The following SLC39A9 variants were observed in gnomAD, a reference collection of about 807,000 sequenced individuals.
SLC39A9 encodes the protein zinc transporter ZIP9.
Under a neutral mutation model 28.4 loss-of-function variants are expected in SLC39A9, and 14 were observed. The ratio of observed to expected loss-of-function variants is 0.49; its 90% CI spans 0.33 to 0.77. The LOEUF (loss-of-function observed/expected upper bound fraction) is 0.77, where lower values mean the gene tolerates loss of function less well. SLC39A9 is among the 30% of genes least tolerant of loss of function. The pLI, the probability that SLC39A9 is intolerant of heterozygous loss-of-function variation, is 0.02. For missense variants in SLC39A9, 283 were observed against 381.1 expected, an observed-to-expected ratio of 0.74 and a Z score of 2.14; for synonymous variants, 119 against 149.6, an observed-to-expected ratio of 0.80 and a Z score of 1.49.
rs556465268 is a variant in SLC39A9, at chr14:69,425,945, G to C, written c.205+1743G>C. Among the ~76,000 whole-genome samples the C allele has an allele frequency of 2.0e-5, 3 of 152,264 alleles. No homozygotes were observed. In the South Asian group the frequency reaches 6.2e-4, roughly 32 times the overall value. On this transcript the variant is annotated intron_variant, in intron 2 of 6. Coordinates refer to ENST00000336643, the MANE Select transcript of SLC39A9 (RefSeq NM_018375.5). ...CTCCCAAAGTGCTGGGATTACAGGT[G>C]TGAGACACCTCACCCAGCCCAGGTG...
intron 2 of SLC39A9, among the ~76,000 whole-genome samples, chr14:69,425,475 G>A (rs1467853788): frequency 6.6e-6 from 1 of 152,112 alleles, no homozygotes; most frequent in Non-Finnish European, 1.5e-5. Flanking sequence ...ATGATTTCCT[G>A]ACCTCCAGGA....
Position 69,455,732 on chromosome 14 carries a change from G to A in SLC39A9, c.559G>A (p.Ala187Thr), listed in dbSNP as rs1364473743. Residue 187 changes from alanine (A) to threonine (T), a missense_variant and splice_region_variant, in exon 6 of 7, where the codon GCA becomes ACA. Coordinates refer to ENST00000336643, the MANE Select transcript of SLC39A9 (RefSeq NM_018375.5). ...IVFVAIMLHK[A>T]PAAFGLVSFL... is the part of the protein sequence containing the mutation. ...ATAAGAGATGATTTTTTATTTCCAG[G>A]CACCAGCTGCTTTTGGACTGGTTTC... 1 of 1,613,648 alleles carries A rather than the reference G, an allele frequency of 6.2e-7. No homozygotes were observed. The highest frequency in any genetic ancestry group is 1.3e-5 in the African/African-American group (1 of 74,866).
At chr14:69,431,533 A>G (rs943971141) in intron 2 of SLC39A9, among the ~76,000 whole-genome samples, 1 of 150,828 alleles carries the variant, frequency 6.6e-6, no homozygotes, top group Non-Finnish European at 1.5e-5. Context: ...GGTTAGATAT[A>G]GGTTTTTTAT....
At chr14:69,446,262 A>G (rs1475082939) in intron 3 of SLC39A9, among the ~76,000 whole-genome samples, 1 of 146,782 alleles carries the variant, frequency 6.8e-6, no homozygotes, top group East Asian at 1.9e-4. Flanking sequence ...TTGGTTTTGT[A>G]TATATATTTA....
At chr14:69,442,804 G>A (rs189668384) in intron 3 of SLC39A9, among the ~76,000 whole-genome samples, 1 of 152,278 alleles carries the variant, frequency 6.6e-6, no homozygotes, top group Non-Finnish European at 1.5e-5. Flanking sequence ...ATAATAATAT[G>A]CTTGGCTTAA....
intron 2 of SLC39A9, 174 bp from the exon 3 acceptor site, chr14:69,441,895 T>C: frequency 7.2e-7 from 1 of 1,389,578 alleles, no homozygotes; most frequent in South Asian, 1.7e-5. Flanking sequence ...TTGGGAATTT[T>C]TTCATCATGA....
At position 69,398,919 on chromosome 14, in the gene SLC39A9, G is replaced by C. The variant is rs1373670548; in HGVS notation, c.-451G>C. ...GACTGGTGGGCTGGTTTCCTGCTCT[G>C]GGGGGCGGATCACCTTCGGGGCCGC... On this transcript the variant is annotated 5_prime_UTR_variant, in exon 1 of 7. Transcript: ENST00000336643. 1 of 199,166 alleles carries C rather than the reference G, an allele frequency of 5.0e-6. No individual in the cohort carries two copies. Among genetic ancestry groups the C allele is most frequent in the Non-Finnish European group, 1.0e-5 (1 of 97,882 alleles). The allele number at this position is 199,166 out of a possible 1,614,324, so 12.3% of individuals were successfully genotyped here. A position where few individuals can be genotyped will look rare whatever the true frequency, so the allele number is the denominator to read the frequency against.
intron 3 of SLC39A9, among the ~76,000 whole-genome samples, chr14:69,452,838 G>T (rs1018023952): frequency 1.3e-5 from 2 of 152,134 alleles, no homozygotes; most frequent in Non-Finnish European, 2.9e-5. Flanking sequence ...AATTAGATTG[G>T]TCTGGAAAGA....
intron 3 of SLC39A9, among the ~76,000 whole-genome samples, chr14:69,451,140 A>G (rs1010478116): frequency 6.6e-6 from 1 of 152,246 alleles, no homozygotes; most frequent in African/African-American, 2.4e-5. Context: ...CTTCCAGTTC[A>G]GGGTAGCATT....
At chr14:69,455,322 T>G (rs946114187) in intron 5 of SLC39A9, among the ~76,000 whole-genome samples, 18 of 152,014 alleles carry the variant, frequency 1.2e-4, no homozygotes, top group African/African-American at 2.9e-4. Flanking sequence ...TGTGTGTGTG[T>G]GGGTTTTTTG....
chr14:69,449,742 T>C (rs1159696270), intron 3 of SLC39A9, among the ~76,000 whole-genome samples: 2 of 152,176 alleles, frequency 1.3e-5, no homozygotes, highest in African/African-American at 4.8e-5. Flanking sequence ...GACAGTGTTG[T>C]GAGTTCAAGA....
At chr14:69,417,605 G>A (rs905399891) in intron 1 of SLC39A9, among the ~76,000 whole-genome samples, 3 of 152,324 alleles carry the variant, frequency 2.0e-5, no homozygotes, top group Admixed American at 2.0e-4. Flanking sequence ...CTATCCATGA[G>A]CATGGGATGT....
chr14:69,434,111 T>C (rs1224295965), intron 2 of SLC39A9, among the ~76,000 whole-genome samples: 7 of 141,264 alleles, frequency 5.0e-5, no homozygotes, highest in Non-Finnish European at 7.6e-5. Flanking sequence ...CGCGACAGAG[T>C]CTTGCTCTGT....
intron 2 of SLC39A9, among the ~76,000 whole-genome samples, chr14:69,441,041 G>A (rs912609878): frequency 2.6e-5 from 4 of 152,170 alleles, no homozygotes; most frequent in Admixed American, 2.6e-4. Context: ...ACTTTGGGAG[G>A]TCAAGGTGGG....
At chr14:69,405,169 A>G (rs999785757) in intron 1 of SLC39A9, among the ~76,000 whole-genome samples, 2 of 152,194 alleles carry the variant, frequency 1.3e-5, no homozygotes, top group Non-Finnish European at 2.9e-5. Flanking sequence ...ACTACAACTC[A>G]AGATGAGATT....
intron 2 of SLC39A9, among the ~76,000 whole-genome samples, chr14:69,438,024 C>CCTTTTT (rs1566919438): frequency 7.1e-6 from 1 of 140,366 alleles, no homozygotes. Flanking sequence ...TTCCCTTACC[C>CCTTTTT]TTTTTTTTTT....
At chr14:69,400,240 T>C (rs933145250) in intron 1 of SLC39A9, among the ~76,000 whole-genome samples, 2 of 152,236 alleles carry the variant, frequency 1.3e-5, no homozygotes, top group Non-Finnish European at 2.9e-5. Flanking sequence ...TCACATTTCC[T>C]TTTAAAGAAG....
rs533128992 is a variant in SLC39A9, at chr14:69,437,594, GT to G, written c.206-4462del. ...CTCTGTTAAAGAAGTTTTTTTGTTT[GT>G]TTTTTTTTTTTTGAGACGGAGTCTC... is the stretch of plus-strand genomic sequence containing the variant. On this transcript the variant is annotated intron_variant, in intron 2 of 6. Transcript: ENST00000336643. 2.5e-3 allele frequency among the ~76,000 whole-genome samples: 360 copies of G among 143,376 alleles called. 1 individual carries two copies. The highest frequency in any genetic ancestry group is 7.4e-3 in the African/African-American group (290 of 39,202). The allele number at this position is 143,376 out of a possible 152,430, so 94.1% of individuals were successfully genotyped here.
chr14:69,437,935 A>G (rs542862980), intron 2 of SLC39A9, among the ~76,000 whole-genome samples: 2 of 152,058 alleles, frequency 1.3e-5, no homozygotes, highest in Admixed American at 1.3e-4. Context: ...GATTTTTTAC[A>G]TCTTTCTTCA....
Sources: allele counts gnomAD v4.1 joint callset (sites outside exome capture counted in the v4.1 genomes callset), GRCh38; gene constraint gnomAD v4.1.1; transcripts MANE v1.5; gene names NCBI Gene and HGNC (gene_info 2026-07-23, HGNC 2026-07-21).